DIAPH2: variants seen among roughly 807,000 people sequenced by gnomAD.
The protein encoded by DIAPH2 is protein diaphanous homolog 2.
A neutral mutation model predicts 92.7 loss-of-function variants in DIAPH2; 35 were observed. The ratio of observed to expected loss-of-function variants is 0.38; its 90% confidence interval spans 0.29 to 0.50. The LOEUF (loss-of-function observed/expected upper bound fraction) is 0.50. Ranked by LOEUF, DIAPH2 falls within the 20% of genes least tolerant of loss-of-function variation. DIAPH2 has a pLI of 0.94. For synonymous variants in DIAPH2, 301 were observed against 280.4 expected, an observed-to-expected ratio of 1.07 and a Z score of -0.73; for missense variants, 701 against 819.5, an observed-to-expected ratio of 0.86 and a Z score of 1.77.
rs1207355115 is a variant in DIAPH2 at position 97,034,763 on chromosome X, A to T, written c.2051-38178A>T. Among the ~76,000 whole-genome samples, 3 of 111,280 alleles carry T rather than the reference A, an allele frequency of 2.7e-5. No individual in the cohort carries two copies. In the East Asian group the frequency reaches 8.4e-4, roughly 31 times the overall value. On this transcript the variant is annotated intron_variant, in intron 17 of 26. Coordinates refer to ENST00000324765, the MANE Select transcript of DIAPH2 (RefSeq NM_006729.5). ...ACACTCTCTATTACTTAATTTTTTTAAAAGTGTGTATGTGTGGATTGGATA... is the reference window on the plus strand; with the variant it reads ...ACACTCTCTATTACTTAATTTTTTTTAAAGTGTGTATGTGTGGATTGGATA...
chrX:97,445,181 T>A (rs2147789375), intron 26 of DIAPH2, among the ~76,000 whole-genome samples: 1 of 111,393 alleles, frequency 9.0e-6, no homozygotes, highest in South Asian at 3.8e-4. Context: ...GCATGGCTTA[T>A]TTAGAACTGA....
intron 22 of DIAPH2, among the ~76,000 whole-genome samples, chrX:97,231,343 G>A (rs1049964677): frequency 2.8e-5 from 3 of 107,305 alleles, no homozygotes; most frequent in African/African-American, 6.8e-5. Context: ...TATGTGGATC[G>A]AACTTGGGGA....
chrX:97,312,930 G>T (rs1028895410), intron 23 of DIAPH2, among the ~76,000 whole-genome samples: 1 of 110,518 alleles, frequency 9.0e-6, no homozygotes, highest in Non-Finnish European at 1.9e-5. Flanking sequence ...TGTAATCCCA[G>T]CACTTCGGGA....
intron 26 of DIAPH2, among the ~76,000 whole-genome samples, chrX:97,516,005 G>C (rs1044119551): frequency 1.8e-4 from 20 of 110,798 alleles, no homozygotes; most frequent in African/African-American, 6.2e-4. Context: ...TGTAATCCTA[G>C]CACACCGGGA....
At chrX:97,376,325 C>T (rs773603971) in intron 24 of DIAPH2, among the ~76,000 whole-genome samples, 177 of 111,617 alleles carry the variant, frequency 1.6e-3, no homozygotes, top group African/African-American at 5.7e-3. Context: ...TTTATTTTAC[C>T]TCTATCTTTT....
At chrX:96,807,944 CAAAAAAAAAAAAAAAAAAAAAAAAAAAAA>C (rs541681495) in intron 4 of DIAPH2, among the ~76,000 whole-genome samples, 1 of 14,473 alleles carries the variant, frequency 6.9e-5, no homozygotes, top group Non-Finnish European at 1.2e-4. Context: ...GTAGAAATAG[CAAAAAAAAAAAAAAAAAAAAAAAAAAAAA>C]AAAAAAAAAA....
chrX:97,375,404 C>T (rs1310791284), intron 24 of DIAPH2, among the ~76,000 whole-genome samples: 1 of 110,617 alleles, frequency 9.0e-6, no homozygotes, highest in Non-Finnish European at 1.9e-5. Flanking sequence ...TGCAGTGAGC[C>T]AAGATCGTGC....
At position 97,403,538 on chromosome X, in the gene DIAPH2, A is replaced by G. The variant is rs775806428; in HGVS notation, c.3145+19494A>G. 1.5e-4 allele frequency among the ~76,000 whole-genome samples: 17 copies of G among 112,241 alleles called. No individual in the cohort carries two copies. The South Asian group carries it at 6.3e-3, about 42-fold the overall frequency. ...TCCCATTTCTCTTTTTTAGTCCCTA[A>G]TGACTGAAGGTATCGTATCTAGGGA... On this transcript the variant is annotated intron_variant, in intron 25 of 26. Coordinates refer to ENST00000324765, the MANE Select transcript of DIAPH2 (RefSeq NM_006729.5).
intron 26 of DIAPH2, among the ~76,000 whole-genome samples, chrX:97,568,115 C>CAAAAAAAAAAA (rs59273565): frequency 3.7e-4 from 11 of 30,087 alleles, no homozygotes; most frequent in Non-Finnish European, 5.5e-4. Context: ...GACTCCATCT[C>CAAAAAAAAAAA]AAAAAAAAAA....
At chrX:96,726,296 T>C (rs915854103) in intron 1 of DIAPH2, among the ~76,000 whole-genome samples, 1 of 111,695 alleles carries the variant, frequency 9.0e-6, no homozygotes, top group Non-Finnish European at 1.9e-5. Context: ...GAGTACTTAC[T>C]ATGTGCTAGA....
At chrX:97,506,769 G>C (rs752194908) in intron 26 of DIAPH2, among the ~76,000 whole-genome samples, 20 of 111,122 alleles carry the variant, frequency 1.8e-4, no homozygotes, top group Middle Eastern at 9.2e-3. Flanking sequence ...CTGTCCACTT[G>C]TCTCCTTTTC....
chrX:97,146,494 A>G (rs1353911071), intron 22 of DIAPH2, among the ~76,000 whole-genome samples: 1 of 111,265 alleles, frequency 9.0e-6, no homozygotes, highest in Non-Finnish European at 1.9e-5. Flanking sequence ...TTGATAGAGT[A>G]AGATCTTTTC....
At chrX:96,864,349 T>C (rs1224361601) in intron 4 of DIAPH2, among the ~76,000 whole-genome samples, 1 of 107,148 alleles carries the variant, frequency 9.3e-6, no homozygotes, top group East Asian at 3.0e-4. Flanking sequence ...CCAAATCTGC[T>C]CATTGCTATC....
chrX:97,193,592 T>C (rs1476391779), intron 22 of DIAPH2, among the ~76,000 whole-genome samples: 1 of 112,290 alleles, frequency 8.9e-6, no homozygotes, highest in African/African-American at 3.2e-5. Context: ...AAGACATTGA[T>C]TGCATTCTAC....
chrX:97,475,623 C>A (rs1197534458), intron 26 of DIAPH2, among the ~76,000 whole-genome samples: 3 of 111,475 alleles, frequency 2.7e-5, no homozygotes, highest in East Asian at 2.8e-4. Flanking sequence ...AAATAGAGAT[C>A]ATCTGTAGAT....
At chrX:97,157,894 A>G (rs2067336577) in intron 22 of DIAPH2, among the ~76,000 whole-genome samples, 1 of 112,276 alleles carries the variant, frequency 8.9e-6, no homozygotes, top group Admixed American at 9.5e-5. Flanking sequence ...TTAGCGCAGA[A>G]AAGTATACGC....
At position 97,025,362 on chromosome X, in the gene DIAPH2, A is replaced by G. The variant is rs749328444; in HGVS notation, c.2051-47579A>G. Among the ~76,000 whole-genome samples, 48 of 105,452 alleles carry G rather than the reference A, an allele frequency of 4.6e-4. 1 individual carries two copies. The highest frequency in any genetic ancestry group is 1.7e-3 in the African/African-American group (48 of 28,429). 91.6% of individuals were successfully genotyped at this position (105,452 alleles called of 115,157 possible). A position where few individuals can be genotyped will look rare whatever the true frequency, so the allele number is the denominator to read the frequency against. On this transcript the variant is annotated intron_variant, in intron 17 of 26. Coordinates refer to ENST00000324765, the MANE Select transcript of DIAPH2 (RefSeq NM_006729.5). Reference sequence around the variant, plus strand: ...AAGACTCTGTCTCACACACAAAAAAAGAGTTACAGCCGGGCGTGGTGGCTC... The same window carrying G: ...AAGACTCTGTCTCACACACAAAAAAGGAGTTACAGCCGGGCGTGGTGGCTC...
chrX:96,866,455 A>T (rs1259437724), intron 4 of DIAPH2, among the ~76,000 whole-genome samples: 1 of 111,844 alleles, frequency 8.9e-6, no homozygotes, highest in African/African-American at 3.2e-5. Flanking sequence ...ACTAGTTGGA[A>T]GTGTCAGAAT....
At chrX:97,258,383 G>A (rs994896581) in intron 23 of DIAPH2, among the ~76,000 whole-genome samples, 2 of 110,457 alleles carry the variant, frequency 1.8e-5, no homozygotes, top group Admixed American at 1.9e-4. Flanking sequence ...AGACCAGCCT[G>A]GACAACATGG....
Sources: gnomAD v4.1 joint callset for allele counts (sites outside exome capture counted in the v4.1 genomes callset) on GRCh38, gnomAD v4.1.1 for gene constraint, MANE v1.5 for transcripts, NCBI Gene and HGNC (gene_info 2026-07-23, HGNC 2026-07-21) for gene names.